Variants in SCGB2B2 observed in about 807,000 individuals in gnomAD.
SCGB2B2 encodes the protein secretoglobin family 2B member 2.
SCGB2B2 carries 11 observed loss-of-function variants against 7.6 expected under a neutral mutation model. The observed-to-expected ratio is 1.45, with a 90% CI of 0.91 to 2.40. The LOEUF is 2.40. Ranked by LOEUF, SCGB2B2 falls within the 30% of genes most tolerant of loss-of-function variation. The pLI is 0.00. For synonymous variants in SCGB2B2, 50 were observed against 48.6 expected (o/e 1.03, Z -0.12); for missense variants, 104 against 115.4 (o/e 0.90, Z 0.45).
intron 1 of SCGB2B2, among the ~76,000 whole-genome samples, chr19:34,615,475 T>G (rs2066046489): frequency 6.6e-6 from 1 of 151,454 alleles, no homozygotes; most frequent in Non-Finnish European, 1.5e-5. Context: ...GTAGGCATCC[T>G]GAGTTTCTGT....
intron 1 of SCGB2B2, among the ~76,000 whole-genome samples, chr19:34,629,895 G>T (rs1321128380): frequency 6.6e-6 from 1 of 151,880 alleles, no homozygotes; most frequent in African/African-American, 2.4e-5. Flanking sequence ...AAACAGCAAG[G>T]TACTGGTACC....
intron 1 of SCGB2B2, among the ~76,000 whole-genome samples, chr19:34,630,390 T>A (rs1200255265): frequency 1.3e-5 from 2 of 151,664 alleles, no homozygotes; most frequent in Admixed American, 1.3e-4. Flanking sequence ...TATCCAGAAT[T>A]TACAATGAAC....
intron 1 of SCGB2B2, among the ~76,000 whole-genome samples, chr19:34,672,042 G>A (rs994936086): frequency 6.6e-6 from 1 of 152,168 alleles, no homozygotes; most frequent in Non-Finnish European, 1.5e-5. Context: ...CTTGGAGGCT[G>A]AAGCGAGTGA....
intron 1 of SCGB2B2, among the ~76,000 whole-genome samples, chr19:34,620,963 T>C (rs1037129677): frequency 6.6e-6 from 1 of 152,182 alleles, no homozygotes; most frequent in African/African-American, 2.4e-5. Flanking sequence ...TATGAGAATG[T>C]ATACTGGGAA....
chr19:34,625,351 A>T (rs2066343178), intron 1 of SCGB2B2, among the ~76,000 whole-genome samples: 1 of 152,232 alleles, frequency 6.6e-6, no homozygotes, highest in Non-Finnish European at 1.5e-5. Context: ...ACAAGGGGTC[A>T]GGGAATTCCC....
At chr19:34,598,999 C>T (rs956536788) in intron 1 of SCGB2B2, among the ~76,000 whole-genome samples, 8 of 152,268 alleles carry the variant, frequency 5.3e-5, no homozygotes, top group African/African-American at 1.9e-4. Flanking sequence ...GCCCTGCGGC[C>T]AGGCTGGCAC....
chr19:34,605,828 A>T (rs1212705023), intron 1 of SCGB2B2, among the ~76,000 whole-genome samples: 1 of 152,110 alleles, frequency 6.6e-6, no homozygotes, highest in African/African-American at 2.4e-5. Flanking sequence ...TCCTGTCCTC[A>T]GGTGATCCAC....
chr19:34,636,842 C>CCCCTTCCCACTTACCA, intron 1 of SCGB2B2, among the ~76,000 whole-genome samples: 1 of 152,104 alleles, frequency 6.6e-6, no homozygotes, highest in South Asian at 2.1e-4. Flanking sequence ...AGCCAGTCCC[C>CCCCTTCCCACTTACCA]GCCAGAGTCC....
At chr19:34,597,911 T>C (rs1600036305) in intron 1 of SCGB2B2, among the ~76,000 whole-genome samples, 1 of 151,648 alleles carries the variant, frequency 6.6e-6, no homozygotes, top group South Asian at 2.1e-4. Context: ...GGTGGGTGGG[T>C]CAGGGCGTTT....
At position 34,630,505 on chromosome 19, in the gene SCGB2B2, A is replaced by G. The variant is rs557970372; in HGVS notation, c.-2031-33911T>C. Among the ~76,000 whole-genome samples the G allele has an allele frequency of 1.4e-4, 22 of 152,152 alleles. No individual in the cohort carries two copies. In the South Asian group the frequency reaches 4.2e-3, roughly 29 times the overall value. On this transcript the variant is annotated intron_variant, in intron 1 of 3. Coordinates refer to ENST00000601241, the MANE Select transcript of SCGB2B2 (RefSeq NM_001025591.4). ...AGACACTTATGCAGCCTAAAGACAC[A>G]TGAAAAAATGCTCACCATCACTGGC...
intron 1 of SCGB2B2, among the ~76,000 whole-genome samples, chr19:34,656,418 T>C (rs1374103592): frequency 2.0e-5 from 3 of 151,006 alleles, no homozygotes. Context: ...TGTTGGGCAA[T>C]ATGGCAAAAT....
At chr19:34,587,673 C>T (rs2145704391), downstream of SCGB2B2, among the ~76,000 whole-genome samples, 1 of 152,290 alleles carries the variant, frequency 6.6e-6, no homozygotes, top group South Asian at 2.1e-4. Context: ...GTGGGCTTGC[C>T]ATACATCGAT....
chr19:34,613,102 CTTTTTTTTTTTTTT>C (rs2065979210), intron 1 of SCGB2B2, among the ~76,000 whole-genome samples: 1 of 141,946 alleles, frequency 7.0e-6, no homozygotes, highest in African/African-American at 2.6e-5. Context: ...ATTTTCTTTT[CTTTTTTTTTTTTTT>C]GAGATGGAGT....
intron 1 of SCGB2B2, among the ~76,000 whole-genome samples, chr19:34,597,434 A>G (rs752407435): frequency 2.3e-5 from 3 of 130,792 alleles, no homozygotes; most frequent in Non-Finnish European, 5.0e-5. Flanking sequence ...TGGAGACATC[A>G]TCTACCTCCC....
At chr19:34,642,649 AG>A (rs2066876012) in intron 1 of SCGB2B2, among the ~76,000 whole-genome samples, 1 of 126,986 alleles carries the variant, frequency 7.9e-6, no homozygotes, top group Non-Finnish European at 1.6e-5. Flanking sequence ...CAGGAGGTGG[AG>A]GTTGCAGTGA....
chr19:34,655,429 C>G (rs2067256982), intron 1 of SCGB2B2, among the ~76,000 whole-genome samples: 1 of 151,158 alleles, frequency 6.6e-6, no homozygotes, highest in African/African-American at 2.5e-5. Flanking sequence ...CTCTTTGAAC[C>G]AATTGCCAAT....
Position 34,653,122 on chromosome 19 carries a change from T to C in SCGB2B2, c.-2032+22508A>G, listed in dbSNP as rs551635106. 8.6e-5 allele frequency among the ~76,000 whole-genome samples: 13 copies of C among 151,446 alleles called. No homozygotes were observed. In the South Asian group the frequency reaches 2.1e-3, roughly 24 times the overall value. ...GCCAGGTACAGAAGGATGAATCCTA[T>C]GTGTTCTCACTCACATGTGGAAGTA... On this transcript the variant is annotated intron_variant, in intron 1 of 3. Transcript: ENST00000601241.
chr19:34,661,481 A>C (rs2067455653), intron 1 of SCGB2B2, among the ~76,000 whole-genome samples: 1 of 152,208 alleles, frequency 6.6e-6, no homozygotes, highest in Non-Finnish European at 1.5e-5. Flanking sequence ...GAGGGCCAAA[A>C]CCAGCAAAGA....
intron 1 of SCGB2B2, among the ~76,000 whole-genome samples, chr19:34,643,866 G>A (rs1253841581): frequency 6.6e-6 from 1 of 151,902 alleles, no homozygotes; most frequent in African/African-American, 2.4e-5. Flanking sequence ...GATGGACAAT[G>A]TGAGGTCTAA....
Sources: gnomAD v4.1 joint callset for allele counts (sites outside exome capture counted in the v4.1 genomes callset) on GRCh38, gnomAD v4.1.1 for gene constraint, MANE v1.5 for transcripts, NCBI Gene and HGNC (gene_info 2026-07-23, HGNC 2026-07-21) for gene names.